The following AUTS2 variants were observed in gnomAD, a reference collection of about 807,000 sequenced individuals.
The protein encoded by AUTS2 is activator of transcription and developmental regulator AUTS2.
A neutral mutation model predicts 112.4 loss-of-function variants in AUTS2; 17 were observed. The ratio of observed to expected loss-of-function variants is 0.15; its 90% CI spans 0.10 to 0.23. The LOEUF is 0.23. Among genes scored for constraint, AUTS2 ranks in the 10% least tolerant of loss-of-function variants. AUTS2 has a pLI of 1.00. For missense variants in AUTS2, 1,510 were observed against 1,701.6 expected (o/e 0.89, Z 1.98); for synonymous variants, 751 against 702.7 (o/e 1.07, Z -1.09).
intron 5 of AUTS2, among the ~76,000 whole-genome samples, chr7:70,607,320 T>G (rs1803836284): frequency 1.3e-5 from 2 of 152,202 alleles, no homozygotes; most frequent in South Asian, 4.1e-4. Flanking sequence ...TTGGGATATA[T>G]GATCAATTGA....
chr7:69,902,300 C>G (rs962128278), intron 2 of AUTS2, among the ~76,000 whole-genome samples: 1 of 152,094 alleles, frequency 6.6e-6, no homozygotes, highest in Middle Eastern at 3.2e-3. Context: ...TTCCTATCAT[C>G]CTAGATGCCT....
chr7:70,644,428 C>T (rs1475953978), intron 5 of AUTS2, among the ~76,000 whole-genome samples: 1 of 152,134 alleles, frequency 6.6e-6, no homozygotes, highest in African/African-American at 2.4e-5. Context: ...ACAGTCCCGA[C>T]TCTATCACTT....
At chr7:70,349,120 C>CT (rs1464986950) in intron 4 of AUTS2, among the ~76,000 whole-genome samples, 1 of 152,144 alleles carries the variant, frequency 6.6e-6, no homozygotes, top group African/African-American at 2.4e-5. Flanking sequence ...AATGAACAAA[C>CT]TGAGTCTTGA....
chr7:70,445,471 G>A (rs143375892), intron 5 of AUTS2, among the ~76,000 whole-genome samples: 50 of 152,164 alleles, frequency 3.3e-4, no homozygotes, highest in South Asian at 6.2e-4. Flanking sequence ...ATTCAAACAT[G>A]GCGGTTTCTC....
At chr7:70,478,904 C>T (rs1009176700) in intron 5 of AUTS2, among the ~76,000 whole-genome samples, 12 of 152,110 alleles carry the variant, frequency 7.9e-5, no homozygotes, top group African/African-American at 2.7e-4. Flanking sequence ...AAACTTTGAG[C>T]TCTTTAAAAG....
chr7:70,632,601 G>A (rs546800467), intron 5 of AUTS2, among the ~76,000 whole-genome samples: 1 of 151,752 alleles, frequency 6.6e-6, no homozygotes, highest in Non-Finnish European at 1.5e-5. Context: ...CCACTCTCTG[G>A]CTCCCACGTC....
intron 6 of AUTS2, among the ~76,000 whole-genome samples, chr7:70,736,824 TGTTAG>T (rs1205932148): frequency 2.0e-5 from 3 of 152,210 alleles, no homozygotes; most frequent in Non-Finnish European, 2.9e-5. Context: ...CATCTCTGCC[TGTTAG>T]AAGGATCCAG....
At chr7:70,310,163 C>T (rs888183299) in intron 4 of AUTS2, among the ~76,000 whole-genome samples, 9 of 148,316 alleles carry the variant, frequency 6.1e-5, no homozygotes, top group African/African-American at 1.7e-4. Context: ...CAGATTTTCA[C>T]GTTTAGATGC....
chr7:70,655,347 C>A (rs1806714219), intron 5 of AUTS2, among the ~76,000 whole-genome samples: 1 of 152,216 alleles, frequency 6.6e-6, no homozygotes, highest in Admixed American at 6.5e-5. Flanking sequence ...AAAGTAAAGA[C>A]ATTTCTCTCC....
chr7:70,568,610 A>G (rs1006223137), intron 5 of AUTS2, among the ~76,000 whole-genome samples: 1 of 152,172 alleles, frequency 6.6e-6, no homozygotes, highest in Non-Finnish European at 1.5e-5. Context: ...CACACAGGAC[A>G]CCTGTCTCCT....
chr7:70,033,813 G>A (rs1432845748), intron 2 of AUTS2, among the ~76,000 whole-genome samples: 1 of 152,064 alleles, frequency 6.6e-6, no homozygotes, highest in East Asian at 1.9e-4. Flanking sequence ...GTTGGGAGAC[G>A]TGGAGGGGCG....
intron 1 of AUTS2, among the ~76,000 whole-genome samples, chr7:69,871,448 C>G (rs1015984502): frequency 6.6e-6 from 1 of 152,128 alleles, no homozygotes; most frequent in African/African-American, 2.4e-5. Flanking sequence ...GTACTGGCCC[C>G]TGTATATACT....
At chr7:70,417,258 G>GGAGGCA (rs372347790) in intron 4 of AUTS2, among the ~76,000 whole-genome samples, 1 of 152,354 alleles carries the variant, frequency 6.6e-6, no homozygotes, top group African/African-American at 2.4e-5. Flanking sequence ...AGCAGCAGAT[G>GGAGGCA]GAGGCAGAGG....
intron 1 of AUTS2, among the ~76,000 whole-genome samples, chr7:69,844,587 G>A (rs1792115143): frequency 6.6e-6 from 1 of 152,044 alleles, no homozygotes; most frequent in African/African-American, 2.4e-5. Flanking sequence ...ATATTTCATT[G>A]GAGAGAAGGT....
intron 1 of AUTS2, among the ~76,000 whole-genome samples, chr7:69,810,588 G>T (rs2129524825): frequency 6.6e-6 from 1 of 152,222 alleles, no homozygotes; most frequent in Middle Eastern, 3.4e-3. Context: ...ATTGGTGTGG[G>T]TAGAGAACTA....
At chr7:70,422,099 A>G (rs11766624) in intron 4 of AUTS2, among the ~76,000 whole-genome samples, 26,925 of 152,236 alleles carry the variant, frequency 0.18, 2,660 homozygotes, top group African/African-American at 0.26. Context: ...AAGGGAAGAA[A>G]AAAAAGGAAT....
At position 70,359,469 on chromosome 7, in the gene AUTS2, C is replaced by T. The variant is rs1026266035; in HGVS notation, c.661-76283C>T. 6.6e-5 allele frequency among the ~76,000 whole-genome samples: 10 copies of T among 152,198 alleles called. No homozygotes were observed. In the South Asian group the frequency reaches 1.2e-3, roughly 19 times the overall value. On this transcript the variant is annotated intron_variant, in intron 4 of 18. Transcript: ENST00000342771. ...TCTGCAGGCTAGGAAGTTCAAGGGG[C>T]GTGGCACTGGCATCTGCTTGGCTTC...
chr7:70,196,193 A>C (rs934089685), intron 4 of AUTS2, among the ~76,000 whole-genome samples: 1 of 152,236 alleles, frequency 6.6e-6, no homozygotes, highest in Non-Finnish European at 1.5e-5. Flanking sequence ...AAATTGAGAC[A>C]GCTTTGGGAC....
chr7:70,496,076 G>C (rs1434246955), intron 5 of AUTS2, among the ~76,000 whole-genome samples: 233 of 46,066 alleles, frequency 5.1e-3, no homozygotes, highest in Middle Eastern at 0.019. Flanking sequence ...CCCACTCACA[G>C]ACACCACATA....
Sources: gnomAD v4.1 joint callset for allele counts (sites outside exome capture counted in the v4.1 genomes callset) on GRCh38, gnomAD v4.1.1 for gene constraint, MANE v1.5 for transcripts, NCBI Gene and HGNC (gene_info 2026-07-23, HGNC 2026-07-21) for gene names.